Variants in MGAT4C observed in about 807,000 individuals in gnomAD.
MGAT4C encodes the protein MGAT4 family member C.
A neutral mutation model predicts 40.1 loss-of-function variants in MGAT4C; 19 were observed. That is an observed-to-expected ratio of 0.47 (90% CI 0.33 to 0.70). The LOEUF (loss-of-function observed/expected upper bound fraction) is 0.70, where lower values mean the gene tolerates loss of function less well. MGAT4C is among the 30% of genes least tolerant of loss of function. MGAT4C has a pLI of 0.02. For missense variants in MGAT4C, 491 were observed against 563.2 expected (o/e 0.87, Z 1.30); for synonymous variants, 181 against 187.1 (o/e 0.97, Z 0.27).
intron 1 of MGAT4C, among the ~76,000 whole-genome samples, chr12:86,823,878 C>T (rs1360965660): frequency 6.6e-6 from 1 of 151,264 alleles, no homozygotes; most frequent in Non-Finnish European, 1.5e-5. Flanking sequence ...TGGAATAAAA[C>T]AGAAATAATA....
chr12:86,619,140 G>A (rs1055420299), intron 2 of MGAT4C, among the ~76,000 whole-genome samples: 1 of 151,948 alleles, frequency 6.6e-6, no homozygotes, highest in Non-Finnish European at 1.5e-5. Context: ...TTCATATAAG[G>A]AACTTGAACA....
At chr12:86,652,510 G>T (rs1963722964) in intron 2 of MGAT4C, among the ~76,000 whole-genome samples, 1 of 151,848 alleles carries the variant, frequency 6.6e-6, no homozygotes, top group African/African-American at 2.4e-5. Context: ...GGAAGCCTGA[G>T]AATGAATACC....
At chr12:86,773,298 G>C (rs1215168370) in intron 1 of MGAT4C, among the ~76,000 whole-genome samples, 2 of 152,104 alleles carry the variant, frequency 1.3e-5, no homozygotes, top group African/African-American at 2.4e-5. Flanking sequence ...TCTACAGAGG[G>C]AAGAGGATAT....
At chr12:86,521,907 T>C (rs1592948005) in intron 2 of MGAT4C, among the ~76,000 whole-genome samples, 1 of 152,122 alleles carries the variant, frequency 6.6e-6, no homozygotes, top group Non-Finnish European at 1.5e-5. Flanking sequence ...ATTGGCTAGA[T>C]TGTTGTTGTA....
intron 1 of MGAT4C, among the ~76,000 whole-genome samples, chr12:86,757,062 T>C (rs1368235759): frequency 6.6e-6 from 1 of 152,158 alleles, no homozygotes; most frequent in Non-Finnish European, 1.5e-5. Context: ...TCAGGTCCTT[T>C]GCAGGGACAT....
intron 2 of MGAT4C, among the ~76,000 whole-genome samples, chr12:86,030,924 G>T (rs2136904020): frequency 6.6e-6 from 1 of 151,854 alleles, no homozygotes; most frequent in East Asian, 1.9e-4. Flanking sequence ...CTGAAAGAAT[G>T]CAAAATTGTG....
At chr12:86,225,294 G>A (rs1951031793) in intron 1 of MGAT4C, among the ~76,000 whole-genome samples, 1 of 151,980 alleles carries the variant, frequency 6.6e-6, no homozygotes, top group South Asian at 2.1e-4. Flanking sequence ...AATTTAATCA[G>A]TAATAAAAAA....
intron 2 of MGAT4C, among the ~76,000 whole-genome samples, chr12:86,574,781 CTATAA>C (rs1169253521): frequency 6.6e-6 from 1 of 151,676 alleles, no homozygotes; most frequent in African/African-American, 2.4e-5. Flanking sequence ...TGAATCCCTA[CTATAA>C]TATTTTTATT....
chr12:86,084,883 T>C (rs1387847383), intron 1 of MGAT4C, among the ~76,000 whole-genome samples: 1 of 151,894 alleles, frequency 6.6e-6, no homozygotes, highest in African/African-American at 2.4e-5. Flanking sequence ...CTTTGGGTGT[T>C]TGAAGGATGG....
intron 4 of MGAT4C, among the ~76,000 whole-genome samples, chr12:86,310,459 T>C (rs1954044278): frequency 6.6e-6 from 1 of 152,152 alleles, no homozygotes; most frequent in Non-Finnish European, 1.5e-5. Flanking sequence ...GTATTGATAG[T>C]ATTTTTTAAT....
chr12:86,179,139 T>G (rs949132203), intron 1 of MGAT4C, among the ~76,000 whole-genome samples: 1 of 152,176 alleles, frequency 6.6e-6, no homozygotes, highest in African/African-American at 2.4e-5. Context: ...CTTGTGCTAT[T>G]CTAGTGATAC....
Position 86,281,094 on chromosome 12 carries a change from A to G in MGAT4C, c.-57+52971T>C, listed in dbSNP as rs141895871. 1.0e-3 allele frequency among the ~76,000 whole-genome samples: 156 copies of G among 151,982 alleles called. 2 individuals carry two copies. Among genetic ancestry groups the G allele is most frequent in the Non-Finnish European group, 1.1e-3 (72 of 67,922 alleles). On this transcript the variant is annotated intron_variant, in intron 4 of 7. Transcript: ENST00000548651. ...ATTATCCTATCTTCTTTTTGGTTGCATACATTTTTGTTATTTCCTTTTCTG... is the reference window on the plus strand; with the variant it reads ...ATTATCCTATCTTCTTTTTGGTTGCGTACATTTTTGTTATTTCCTTTTCTG...
At chr12:86,504,433 G>T (rs138371332) in intron 2 of MGAT4C, among the ~76,000 whole-genome samples, 1 of 152,134 alleles carries the variant, frequency 6.6e-6, no homozygotes, top group East Asian at 1.9e-4. Context: ...GTATTAACAA[G>T]TGATAGAATA....
At chr12:86,495,222 A>T (rs1375198033) in intron 2 of MGAT4C, 1 of 152,084 alleles carries the variant, frequency 6.6e-6, no homozygotes, top group South Asian at 2.1e-4. Context: ...CAACATTTAA[A>T]CAGTATATAG....
intron 2 of MGAT4C, among the ~76,000 whole-genome samples, chr12:86,698,506 A>G (rs144551052): frequency 8.3e-4 from 127 of 152,242 alleles, no homozygotes; most frequent in African/African-American, 2.9e-3. Flanking sequence ...AGGGCAGGCA[A>G]TGTAATGCAA....
At chr12:86,551,147 T>G (rs879717276) in intron 2 of MGAT4C, among the ~76,000 whole-genome samples, 7 of 151,990 alleles carry the variant, frequency 4.6e-5, no homozygotes, top group Non-Finnish European at 8.8e-5. Context: ...CTGCCTTTGG[T>G]GAGCATGCCC....
At chr12:86,116,524 C>A (rs1447154211) in intron 1 of MGAT4C, among the ~76,000 whole-genome samples, 1 of 151,784 alleles carries the variant, frequency 6.6e-6, no homozygotes, top group Non-Finnish European at 1.5e-5. Flanking sequence ...TGCCTCAGTT[C>A]TTAAATTGGA....
chr12:86,365,682 G>GC (rs1165576929), intron 3 of MGAT4C, among the ~76,000 whole-genome samples: 74 of 135,800 alleles, frequency 5.4e-4, no homozygotes, highest in Middle Eastern at 4.0e-3. Context: ...TTTCCCCACT[G>GC]TTTTTTTTTT....
At chr12:86,069,819 GT>G (rs35877472) in intron 1 of MGAT4C, among the ~76,000 whole-genome samples, 10 of 151,814 alleles carry the variant, frequency 6.6e-5, no homozygotes, top group South Asian at 4.2e-4. Context: ...CTCGGGCAAT[GT>G]TTTTTTTCCC....
Sources: gnomAD v4.1 joint callset for allele counts (sites outside exome capture counted in the v4.1 genomes callset) on GRCh38, gnomAD v4.1.1 for gene constraint, MANE v1.5 for transcripts, NCBI Gene and HGNC (gene_info 2026-07-23, HGNC 2026-07-21) for gene names.